The following TEX11 variants were observed in gnomAD, a reference collection of about 807,000 sequenced individuals.
TEX11 encodes testis-expressed protein 11.
A neutral mutation model predicts 84.4 loss-of-function variants in TEX11; 7 were observed. The ratio of observed to expected loss-of-function variants is 0.08; its 90% CI spans 0.05 to 0.16. TEX11 has a LOEUF of 0.16. TEX11 is among the 10% of genes least tolerant of loss of function. The pLI is 1.00. For missense variants in TEX11, 551 were observed against 660.5 expected, an observed-to-expected ratio of 0.83 and a Z score of 1.82; for synonymous variants, 264 against 222.8, an observed-to-expected ratio of 1.18 and a Z score of -1.64.
chrX:70,684,511 A>G (rs2090171889), intron 13 of TEX11, among the ~76,000 whole-genome samples: 1 of 111,864 alleles, frequency 8.9e-6, no homozygotes, highest in Admixed American at 9.5e-5. Flanking sequence ...ACTTGAACCC[A>G]GGAGGTGGAG....
At chrX:70,889,787 A>G (rs1447075550) in intron 2 of TEX11, among the ~76,000 whole-genome samples, 1 of 111,881 alleles carries the variant, frequency 8.9e-6, no homozygotes, top group Non-Finnish European at 1.9e-5. Flanking sequence ...AAAATATACA[A>G]TGAACACACA....
intron 25 of TEX11, among the ~76,000 whole-genome samples, chrX:70,564,676 TAG>T (rs1307066631): frequency 1.9e-5 from 2 of 106,588 alleles, no homozygotes; most frequent in Admixed American, 1.0e-4. Context: ...GTTCTTGCAA[TAG>T]TTTACTGAGA....
chrX:70,899,960 T>C (rs1441136945), intron 2 of TEX11, among the ~76,000 whole-genome samples: 4 of 99,455 alleles, frequency 4.0e-5, no homozygotes, highest in Non-Finnish European at 8.0e-5. Flanking sequence ...TTCACCATGT[T>C]GGCCAGAACA....
At chrX:70,623,061 C>T (rs560162565) in intron 20 of TEX11, among the ~76,000 whole-genome samples, 5 of 112,109 alleles carry the variant, frequency 4.5e-5, no homozygotes, top group Middle Eastern at 4.6e-3. Flanking sequence ...AAAGGCAAAA[C>T]TTATAATATG....
intron 9 of TEX11, among the ~76,000 whole-genome samples, chrX:70,801,625 TTTTCTTTCTTTCTTTCTTTC>T (rs200925505): frequency 0.13 from 11,572 of 88,665 alleles, 671 homozygotes; most frequent in Non-Finnish European, 0.14. Context: ...TTTTCTTTTA[TTTTCTTTCTTTCTTTCTTTC>T]TTTCTTTCTT....
At chrX:70,833,162 C>G (rs1276172912) in intron 8 of TEX11, among the ~76,000 whole-genome samples, 4 of 108,305 alleles carry the variant, frequency 3.7e-5, no homozygotes, top group Non-Finnish European at 7.6e-5. Flanking sequence ...CCCAGCTACT[C>G]AGGAGGCTGA....
Position 70,625,593 on chromosome X carries a change from C to G in TEX11, c.1609-669G>C, listed in dbSNP as rs1031134071. Reference sequence around the variant, plus strand: ...TTTAAAATTATTCTCCCATTCTATTCCCTAAAATCCTCAACTTTGAATTTC... The same window carrying G: ...TTTAAAATTATTCTCCCATTCTATTGCCTAAAATCCTCAACTTTGAATTTC... On this transcript the variant is annotated intron_variant, in intron 18 of 29. Coordinates refer to ENST00000374333, the MANE Select transcript of TEX11 (RefSeq NM_031276.3). 3.6e-5 allele frequency among the ~76,000 whole-genome samples: 4 copies of G among 110,073 alleles called. No homozygotes were observed. The East Asian group carries it at 8.5e-4, about 23-fold the overall frequency.
At chrX:70,674,947 A>T (rs73220882) in intron 15 of TEX11, among the ~76,000 whole-genome samples, 1,934 of 110,156 alleles carry the variant, frequency 0.018, 16 homozygotes, top group Non-Finnish European at 0.027. Flanking sequence ...TCTCATTTTT[A>T]AAAAAAACTC....
At chrX:70,618,585 C>T (rs1024425522) in intron 20 of TEX11, among the ~76,000 whole-genome samples, 1 of 111,709 alleles carries the variant, frequency 9.0e-6, no homozygotes, top group Non-Finnish European at 1.9e-5. Flanking sequence ...AGATTCCTCA[C>T]GGGGAAGGCC....
intron 15 of TEX11, among the ~76,000 whole-genome samples, chrX:70,678,074 A>T (rs2090089430): frequency 9.1e-6 from 1 of 109,993 alleles, no homozygotes; most frequent in Admixed American, 9.6e-5. Flanking sequence ...AGCCTCCCAA[A>T]TTGCTGGGAT....
chrX:70,552,753 G>A (rs189234966), intron 27 of TEX11, among the ~76,000 whole-genome samples: 22 of 111,474 alleles, frequency 2.0e-4, no homozygotes, highest in Admixed American at 1.5e-3. Flanking sequence ...AGCACTTATC[G>A]GTGCTTAAAG....
chrX:70,523,769 C>CTTTT, the TEX11 span, among the ~76,000 whole-genome samples: 1 of 90,962 alleles, frequency 1.1e-5, no homozygotes, highest in African/African-American at 4.0e-5. Flanking sequence ...TGGCCCCCCT[C>CTTTT]TTTTTTTTTT....
chrX:70,831,557 A>G (rs1396758238), intron 8 of TEX11, among the ~76,000 whole-genome samples: 1 of 111,145 alleles, frequency 9.0e-6, no homozygotes, highest in Non-Finnish European at 1.9e-5. Context: ...TTAGCCGAGG[A>G]GGTTGAGGCT....
intron 11 of TEX11, among the ~76,000 whole-genome samples, chrX:70,740,290 G>A (rs1298606976): frequency 9.0e-6 from 1 of 111,124 alleles, no homozygotes; most frequent in East Asian, 2.8e-4. Context: ...TCTGGTGAGG[G>A]CCTGCTTACT....
chrX:70,598,234 A>T (rs951676807), intron 24 of TEX11, among the ~76,000 whole-genome samples: 6 of 112,710 alleles, frequency 5.3e-5, no homozygotes, highest in African/African-American at 1.9e-4. Context: ...CAAAGAAGAT[A>T]TACAAATGGC....
intron 13 of TEX11, 126 bp from the exon 14 acceptor site, chrX:70,682,951 T>C: frequency 1.8e-6 from 1 of 567,793 alleles, no homozygotes; most frequent in Non-Finnish European, 2.7e-6. Flanking sequence ...TCAGGTAATG[T>C]TATTAAATGT....
chrX:70,834,763 C>CAA (rs750794196), intron 7 of TEX11, among the ~76,000 whole-genome samples: 3 of 43,323 alleles, frequency 6.9e-5, no homozygotes, highest in African/African-American at 2.4e-4. Context: ...GACTCTGTCA[C>CAA]AAAAAAAAAA....
intron 13 of TEX11, among the ~76,000 whole-genome samples, chrX:70,716,697 GA>G (rs1569416523): frequency 9.0e-6 from 1 of 111,095 alleles, no homozygotes; most frequent in East Asian, 2.9e-4. Flanking sequence ...TCACCCCTAG[GA>G]AAGGGAATTC....
intron 2 of TEX11, chrX:70,897,677 GAAAAAGAA>G (rs1336788327): frequency 1.9e-5 from 1 of 51,766 alleles, no homozygotes; most frequent in Admixed American, 2.3e-4. Context: ...AACAAAGAAA[GAAAAAGAA>G]AGAAAGAAAG....
Sources: allele counts gnomAD v4.1 joint callset (sites outside exome capture counted in the v4.1 genomes callset), GRCh38; gene constraint gnomAD v4.1.1; transcripts MANE v1.5; gene names NCBI Gene and HGNC (gene_info 2026-07-23, HGNC 2026-07-21).